TRPC3: variants seen among roughly 807,000 people sequenced by gnomAD.
TRPC3 encodes transient receptor potential cation channel subfamily C member 3, also known as short transient receptor potential channel 3.
A neutral mutation model predicts 90.9 loss-of-function variants in TRPC3; 54 were observed. That is an observed-to-expected ratio of 0.59 (90% CI 0.48 to 0.75). TRPC3 has a LOEUF of 0.75. Among genes scored for constraint, TRPC3 ranks in the 30% least tolerant of loss-of-function variants. The pLI is 0.00. For synonymous variants in TRPC3, 424 were observed against 450.9 expected (o/e 0.94, Z 0.75); for missense variants, 918 against 1,194.5 (o/e 0.77, Z 3.41).
intron 10 of TRPC3, among the ~76,000 whole-genome samples, chr4:121,890,454 G>A (rs944521161): frequency 6.6e-6 from 1 of 151,898 alleles, no homozygotes; most frequent in African/African-American, 2.4e-5. Context: ...ATTATAATGT[G>A]TCAATTAAAA....
At chr4:121,889,585 T>C (rs1395451868) in intron 10 of TRPC3, among the ~76,000 whole-genome samples, 1 of 152,108 alleles carries the variant, frequency 6.6e-6, no homozygotes, top group Non-Finnish European at 1.5e-5. Context: ...CAAATGCTGG[T>C]ATGGATGTGG....
intron 10 of TRPC3, among the ~76,000 whole-genome samples, chr4:121,887,999 A>T (rs1041442220): frequency 2.7e-5 from 4 of 148,552 alleles, no homozygotes; most frequent in Non-Finnish European, 6.0e-5. Context: ...CATTTTTGGT[A>T]TTTTTTTTTT....
At chr4:121,892,668 G>A (rs1728368972) in intron 10 of TRPC3, among the ~76,000 whole-genome samples, 1 of 151,986 alleles carries the variant, frequency 6.6e-6, no homozygotes, top group South Asian at 2.1e-4. Flanking sequence ...AAATAATAAG[G>A]GGACTACTTT....
intron 1 of TRPC3, among the ~76,000 whole-genome samples, chr4:121,943,170 A>G (rs1033043439): frequency 3.9e-5 from 5 of 129,706 alleles, no homozygotes; most frequent in African/African-American, 1.4e-4. Flanking sequence ...CTGAAGACCT[A>G]AGGAACAGAT....
chr4:121,943,063 C>T (rs1328732840), intron 1 of TRPC3, among the ~76,000 whole-genome samples: 4 of 152,164 alleles, frequency 2.6e-5, no homozygotes, highest in Non-Finnish European at 5.9e-5. Context: ...GCAAAGGCTG[C>T]CTCTTTTCAT....
At chr4:121,900,530 C>T (rs1728665882) in intron 9 of TRPC3, among the ~76,000 whole-genome samples, 1 of 152,178 alleles carries the variant, frequency 6.6e-6, no homozygotes, top group East Asian at 1.9e-4. Context: ...ACAATTGTGC[C>T]TGGAGAAAAC....
chr4:121,894,266 T>C (rs1578605461), intron 10 of TRPC3, among the ~76,000 whole-genome samples: 3 of 152,198 alleles, frequency 2.0e-5, no homozygotes, highest in East Asian at 1.9e-4. Flanking sequence ...AAGAAAGGCA[T>C]TATATAATAA....
intron 1 of TRPC3, among the ~76,000 whole-genome samples, chr4:121,945,436 T>C (rs1362245106): frequency 1.3e-5 from 2 of 152,150 alleles, no homozygotes; most frequent in Non-Finnish European, 2.9e-5. Flanking sequence ...CAAGCTACAA[T>C]ATATAACGGT....
intron 1 of TRPC3, among the ~76,000 whole-genome samples, chr4:121,947,383 G>A (rs753243003): frequency 6.6e-6 from 1 of 152,032 alleles, no homozygotes; most frequent in Non-Finnish European, 1.5e-5. Flanking sequence ...TCCAGGGTTG[G>A]GAGGGAGGGA....
intron 10 of TRPC3, among the ~76,000 whole-genome samples, chr4:121,884,853 G>C (rs1207456598): frequency 1.3e-5 from 2 of 152,154 alleles, no homozygotes; most frequent in African/African-American, 2.4e-5. Context: ...ACTGTACCAG[G>C]TGCTAGGAAT....
chr4:121,891,012 G>T (rs1234742742), intron 10 of TRPC3, among the ~76,000 whole-genome samples: 1 of 151,858 alleles, frequency 6.6e-6, no homozygotes, highest in Non-Finnish European at 1.5e-5. Context: ...AAATAGAAAG[G>T]CCATAGTGTA....
At chr4:121,910,669 A>AG (rs888553257) in intron 5 of TRPC3, among the ~76,000 whole-genome samples, 4 of 152,228 alleles carry the variant, frequency 2.6e-5, no homozygotes, top group African/African-American at 9.6e-5. Context: ...GAGGTGGTGG[A>AG]GGGGGGTGAG....
chr4:121,924,615 C>A (rs756418423), intron 3 of TRPC3, among the ~76,000 whole-genome samples: 1 of 152,242 alleles, frequency 6.6e-6, no homozygotes, highest in Non-Finnish European at 1.5e-5. Context: ...TCATTGCTCA[C>A]TGCAGCTTCA....
At chr4:121,940,860 CCTTAT>C (rs1560718459) in intron 1 of TRPC3, among the ~76,000 whole-genome samples, 1 of 152,100 alleles carries the variant, frequency 6.6e-6, no homozygotes. Context: ...GTTTTATGTG[CCTTAT>C]CTTATGTTTT....
At chr4:121,916,967 A>T (rs1477003440) in intron 3 of TRPC3, among the ~76,000 whole-genome samples, 1 of 152,120 alleles carries the variant, frequency 6.6e-6, no homozygotes, top group East Asian at 1.9e-4. Context: ...CGCCCGCCTC[A>T]GCCTCTGAAA....
At chr4:121,898,723 G>A (rs1427765095) in intron 10 of TRPC3, among the ~76,000 whole-genome samples, 1 of 152,146 alleles carries the variant, frequency 6.6e-6, no homozygotes, top group East Asian at 1.9e-4. Flanking sequence ...TGATGGATAT[G>A]CTAATTACCC....
intron 7 of TRPC3, among the ~76,000 whole-genome samples, chr4:121,905,665 C>T (rs1031787651): frequency 2.0e-5 from 3 of 152,184 alleles, no homozygotes; most frequent in Middle Eastern, 3.4e-3. Context: ...TGAAAAAGTA[C>T]GTTTTAAGTT....
At chr4:121,938,610 T>C (rs531605243) in intron 1 of TRPC3, among the ~76,000 whole-genome samples, 2 of 152,284 alleles carry the variant, frequency 1.3e-5, no homozygotes, top group East Asian at 1.9e-4. Context: ...CTCATAACAA[T>C]ACCACGAAGC....
At chr4:121,887,426 T>C (rs1419119892) in intron 10 of TRPC3, among the ~76,000 whole-genome samples, 1 of 152,214 alleles carries the variant, frequency 6.6e-6, no homozygotes, top group Non-Finnish European at 1.5e-5. Flanking sequence ...CCTAACATCA[T>C]GTATATAACA....
Sources: allele counts gnomAD v4.1 joint callset (sites outside exome capture counted in the v4.1 genomes callset), GRCh38; gene constraint gnomAD v4.1.1; transcripts MANE v1.5; gene names NCBI Gene and HGNC (gene_info 2026-07-23, HGNC 2026-07-21).